Variants in UBXN2B observed in about 807,000 individuals in gnomAD.
UBXN2B encodes UBX domain-containing protein 2B.
In UBXN2B, 19 loss-of-function variants were observed where a neutral mutation model predicts 37.5. That is an observed-to-expected ratio of 0.51 (90% CI 0.35 to 0.74). The LOEUF is 0.74. Among genes scored for constraint, UBXN2B ranks in the 30% least tolerant of loss-of-function variants. UBXN2B has a pLI of 0.01. For synonymous variants in UBXN2B, 145 were observed against 143.8 expected, an observed-to-expected ratio of 1.01 and a Z score of -0.06; for missense variants, 370 against 393.2, an observed-to-expected ratio of 0.94 and a Z score of 0.50.
chr8:58,424,604 T>G lies in UBXN2B; in HGVS notation c.189-5915T>G, dbSNP rs1808024834. 8 of 1,140,902 alleles carry G rather than the reference T, an allele frequency of 7.0e-6. No homozygotes were observed. The East Asian group carries it at 9.5e-5, about 14-fold the overall frequency. The allele number at this position is 1,140,902 out of a possible 1,614,324, so 70.7% of individuals were successfully genotyped here. A position where few individuals can be genotyped will look rare whatever the true frequency, so the allele number is the denominator to read the frequency against. On this transcript the variant is annotated intron_variant, in intron 2 of 7. Coordinates refer to ENST00000399598, the MANE Select transcript of UBXN2B (RefSeq NM_001077619.2). ...CAGATTTTCTCATCTGAAACTCTTC[T>G]GCTGTTGCATCAGGCCCACGTTTTC... is the stretch of plus-strand genomic sequence containing the variant.
At chr8:58,441,958 A>G (rs1183135386) in intron 6 of UBXN2B, among the ~76,000 whole-genome samples, 2 of 152,364 alleles carry the variant, frequency 1.3e-5, no homozygotes, top group East Asian at 3.9e-4. Flanking sequence ...AGGAGAAACA[A>G]ACACAGTGGA....
intron 2 of UBXN2B, among the ~76,000 whole-genome samples, chr8:58,422,369 T>G (rs1807951274): frequency 6.6e-6 from 1 of 152,176 alleles, no homozygotes; most frequent in Non-Finnish European, 1.5e-5. Context: ...AGGCCTTCCT[T>G]TCAGGAGCCA....
chr8:58,417,930 A>G (rs1009242637), intron 2 of UBXN2B, among the ~76,000 whole-genome samples: 1 of 152,128 alleles, frequency 6.6e-6, no homozygotes, highest in Admixed American at 6.5e-5. Flanking sequence ...CAAAATTGAT[A>G]ACACCTTACA....
chr8:58,437,155 G>C (rs1166586858), intron 5 of UBXN2B, among the ~76,000 whole-genome samples: 1 of 152,072 alleles, frequency 6.6e-6, no homozygotes, highest in Non-Finnish European at 1.5e-5. Context: ...AGTCCAGGCT[G>C]ATGAGTTCTC....
At position 58,419,176 on chromosome 8, in the gene UBXN2B, G is replaced by A. The variant is rs569650757; in HGVS notation, c.188+2223G>A. 2.6e-5 allele frequency among the ~76,000 whole-genome samples: 4 copies of A among 152,240 alleles called. No individual in the cohort carries two copies. The South Asian group carries it at 8.3e-4, about 32-fold the overall frequency. ...TTGAGACGTAAACTGTGTTTAATCTGTTTATAATACAATGTATAGCAGATT... is the reference window on the plus strand; with the variant it reads ...TTGAGACGTAAACTGTGTTTAATCTATTTATAATACAATGTATAGCAGATT... On this transcript the variant is annotated intron_variant, in intron 2 of 7. Transcript: ENST00000399598.
intron 2 of UBXN2B, among the ~76,000 whole-genome samples, chr8:58,428,275 T>C (rs1036319114): frequency 6.6e-6 from 1 of 152,228 alleles, no homozygotes; most frequent in Non-Finnish European, 1.5e-5. Flanking sequence ...ACCGCTCAAC[T>C]CTTCTGAAGT....
At chr8:58,419,834 G>A (rs74697834) in intron 2 of UBXN2B, among the ~76,000 whole-genome samples, 435 of 152,372 alleles carry the variant, frequency 2.9e-3, no homozygotes, top group African/African-American at 9.5e-3. Flanking sequence ...GGTGCAGCCA[G>A]GAAGGCTTTC....
intron 6 of UBXN2B, among the ~76,000 whole-genome samples, chr8:58,441,936 C>T (rs1808561922): frequency 6.6e-6 from 1 of 152,188 alleles, no homozygotes; most frequent in Non-Finnish European, 1.5e-5. Context: ...GCAAACCAAG[C>T]TTTCCTTAGC....
At chr8:58,430,417 T>C in intron 2 of UBXN2B, 102 bp from the exon 3 acceptor site, 1 of 877,398 alleles carries the variant, frequency 1.1e-6, no homozygotes, top group Non-Finnish European at 1.6e-6. Flanking sequence ...ATAATGCCTC[T>C]TTTTAAATAA....
chr8:58,431,786 T>G (rs1020090170), intron 3 of UBXN2B, among the ~76,000 whole-genome samples: 2 of 152,244 alleles, frequency 1.3e-5, no homozygotes, highest in Non-Finnish European at 2.9e-5. Context: ...ATGCCATGGT[T>G]TTATTTTATT....
chr8:58,442,371 T>G (rs1808570496), intron 6 of UBXN2B, among the ~76,000 whole-genome samples: 1 of 152,206 alleles, frequency 6.6e-6, no homozygotes, highest in Non-Finnish European at 1.5e-5. Context: ...TATTAAAAGT[T>G]TAATAGTTAA....
chr8:58,433,378 ATG>A (rs1808332255), intron 4 of UBXN2B, 135 bp downstream of exon 4: 1 of 633,018 alleles, frequency 1.6e-6, no homozygotes, highest in African/African-American at 1.9e-5. Context: ...AGGACCAATG[ATG>A]TGTGAGTTTT....
chr8:58,412,184 A>C (rs1337960312), intron 1 of UBXN2B, among the ~76,000 whole-genome samples: 1 of 152,238 alleles, frequency 6.6e-6, no homozygotes, highest in African/African-American at 2.4e-5. Context: ...TTTGACAAGT[A>C]AATATCAGTA....
chr8:58,419,958 G>A (rs1353811256), intron 2 of UBXN2B, among the ~76,000 whole-genome samples: 1 of 152,204 alleles, frequency 6.6e-6, no homozygotes, highest in Non-Finnish European at 1.5e-5. Flanking sequence ...TGAACAAGGG[G>A]ACTCGATTTT....
intron 5 of UBXN2B, among the ~76,000 whole-genome samples, 157 bp downstream of exon 5, chr8:58,434,661 A>G (rs1487872087): frequency 3.3e-5 from 5 of 152,122 alleles, no homozygotes; most frequent in Non-Finnish European, 7.4e-5. Flanking sequence ...TAAGTTTATA[A>G]AGGATATACT....
chr8:58,425,005 A>G (rs1157007370), intron 2 of UBXN2B: 1 of 784,942 alleles, frequency 1.3e-6, no homozygotes, highest in Non-Finnish European at 2.3e-6. Flanking sequence ...GCCGTGCACC[A>G]CGACTGGCCT....
chr8:58,446,779 A>ATTTTTTTTTTTTTTTTTTTTT lies in UBXN2B; in HGVS notation c.834-594_834-574dup. Among the ~76,000 whole-genome samples, 62 of 17,402 alleles carry ATTTTTTTTTTTTTTTTTTTTT rather than the reference A, an allele frequency of 3.6e-3. 24 individuals carry two copies. The highest frequency in any genetic ancestry group is 4.8e-3 in the Non-Finnish European group (46 of 9,594). 11.4% of individuals were successfully genotyped at this position (17,402 alleles called of 152,430 possible). ...ATACTCCGAAAAAAGTACAACCTGC[A>ATTTTTTTTTTTTTTTTTTTTT]TTTTTTTTTTTTTTTTTTTTTTTTT... On this transcript the variant is annotated intron_variant, in intron 7 of 7. Coordinates refer to ENST00000399598, the MANE Select transcript of UBXN2B (RefSeq NM_001077619.2).
chr8:58,443,648 A>AT (rs1808605167), intron 6 of UBXN2B, among the ~76,000 whole-genome samples: 2 of 151,416 alleles, frequency 1.3e-5, no homozygotes, highest in Middle Eastern at 3.4e-3. Flanking sequence ...CAAAAAAAAA[A>AT]AAAAAAAAAA....
intron 2 of UBXN2B, chr8:58,426,778 T>TG (rs1808106339): frequency 3.2e-6 from 2 of 619,658 alleles, no homozygotes; most frequent in African/African-American, 3.6e-5. Flanking sequence ...GGAGGCCCGC[T>TG]CGGGACCAGA....
Sources: gnomAD v4.1 joint callset for allele counts (sites outside exome capture counted in the v4.1 genomes callset) on GRCh38, gnomAD v4.1.1 for gene constraint, MANE v1.5 for transcripts, NCBI Gene and HGNC (gene_info 2026-07-23, HGNC 2026-07-21) for gene names.